The following SMYD3 variants were observed in gnomAD, a reference collection of about 807,000 sequenced individuals.
The protein encoded by SMYD3 is histone-lysine N-methyltransferase SMYD3.
SMYD3 carries 36 observed loss-of-function variants against 57.7 expected under a neutral mutation model. That is an observed-to-expected ratio of 0.62 (90% CI 0.48 to 0.82). The LOEUF (loss-of-function observed/expected upper bound fraction) is 0.82. SMYD3 is among the 40% of genes least tolerant of loss of function. The pLI is 0.00. For missense variants in SMYD3, 515 were observed against 538.8 expected (o/e 0.96, Z 0.44); for synonymous variants, 211 against 195.0 (o/e 1.08, Z -0.68).
chr1:245,942,748 A>G (rs558721751), intron 5 of SMYD3, among the ~76,000 whole-genome samples: 1 of 152,300 alleles, frequency 6.6e-6, no homozygotes, highest in Admixed American at 6.5e-5. Context: ...GTAAAACACT[A>G]ATCAGCAAAT....
intron 8 of SMYD3, among the ~76,000 whole-genome samples, chr1:245,887,411 T>A (rs1462668181): frequency 1.3e-5 from 2 of 152,184 alleles, no homozygotes; most frequent in Non-Finnish European, 2.9e-5. Flanking sequence ...CCCTTGGGGC[T>A]GCTGTGTGTG....
rs199605639 is a variant in SMYD3, at chr1:246,007,815, C to CAA, written c.532-77880_532-77879dup. 1.4e-4 allele frequency among the ~76,000 whole-genome samples: 20 copies of CAA among 138,400 alleles called. No homozygotes were observed. In the East Asian group the frequency reaches 2.0e-3, roughly 14 times the overall value. The allele number at this position is 138,400 out of a possible 152,430, so 90.8% of individuals were successfully genotyped here. The stretch of plus-strand genomic sequence containing the variant: ...CTGGGAAACAGAGCCAGACCCTGAC[C>CAA]AAAAAAAAAAAGGCAGTAGGGCATG... On this transcript the variant is annotated intron_variant, in intron 5 of 11. Transcript: ENST00000490107.
At chr1:246,350,259 T>C (rs1236216684) in intron 2 of SMYD3, among the ~76,000 whole-genome samples, 3 of 152,220 alleles carry the variant, frequency 2.0e-5, no homozygotes, top group African/African-American at 7.2e-5. Context: ...CTCTACTCCA[T>C]AACAGAAGCT....
intron 5 of SMYD3, among the ~76,000 whole-genome samples, chr1:246,043,906 C>T (rs958125028): frequency 1.3e-5 from 2 of 152,102 alleles, no homozygotes; most frequent in Admixed American, 6.5e-5. Context: ...CTCGCACCAA[C>T]AGTTTCGGGG....
chr1:245,790,481 G>C (rs117213896), intron 10 of SMYD3, among the ~76,000 whole-genome samples: 16 of 152,328 alleles, frequency 1.1e-4, no homozygotes, highest in African/African-American at 3.1e-4. Context: ...AAAGCTTTTC[G>C]AGGGCAGCAT....
chr1:246,271,140 C>T (rs1045844050), intron 5 of SMYD3, among the ~76,000 whole-genome samples: 2 of 152,140 alleles, frequency 1.3e-5, no homozygotes, highest in Admixed American at 6.5e-5. Context: ...GTCCTTTGCC[C>T]ATTTTAAAAT....
chr1:246,486,697 T>C (rs2068193616), intron 1 of SMYD3, among the ~76,000 whole-genome samples: 1 of 152,172 alleles, frequency 6.6e-6, no homozygotes, highest in Non-Finnish European at 1.5e-5. Flanking sequence ...TAAGACTTAC[T>C]TCTCCAAGTA....
chr1:245,832,484 TG>T (rs746300249), intron 10 of SMYD3, among the ~76,000 whole-genome samples: 1,083 of 15,792 alleles, frequency 0.069, 6 homozygotes, highest in Non-Finnish European at 0.27. Flanking sequence ...ATGTTTTTTT[TG>T]TTTTTTTTTT....
chr1:245,809,579 G>A (rs183534957), intron 10 of SMYD3, among the ~76,000 whole-genome samples: 105 of 152,378 alleles, frequency 6.9e-4, no homozygotes, highest in African/African-American at 2.4e-3. Context: ...TCAGGTGAGA[G>A]AGAACAAGGA....
At chr1:245,863,449 C>A (rs2051662542) in intron 9 of SMYD3, among the ~76,000 whole-genome samples, 1 of 152,152 alleles carries the variant, frequency 6.6e-6, no homozygotes, top group South Asian at 2.1e-4. Context: ...GGATTCTAAG[C>A]TACTCTTTCC....
At chr1:246,021,830 A>G (rs2059475869) in intron 5 of SMYD3, among the ~76,000 whole-genome samples, 1 of 152,220 alleles carries the variant, frequency 6.6e-6, no homozygotes, top group South Asian at 2.1e-4. Flanking sequence ...TGGAAAAATG[A>G]AACTGTGCAT....
intron 4 of SMYD3, among the ~76,000 whole-genome samples, chr1:246,328,117 C>A (rs2065386892): frequency 6.6e-6 from 1 of 152,178 alleles, no homozygotes; most frequent in African/African-American, 2.4e-5. Context: ...TCACTTGAAC[C>A]CAGGAGGTGG....
At chr1:246,416,343 C>A (rs1273560858) in intron 1 of SMYD3, among the ~76,000 whole-genome samples, 1 of 152,058 alleles carries the variant, frequency 6.6e-6, no homozygotes, top group Non-Finnish European at 1.5e-5. Context: ...GCAGAGGGAC[C>A]ACTACTGTGA....
At chr1:246,216,344 T>A (rs1284484391) in intron 5 of SMYD3, among the ~76,000 whole-genome samples, 1 of 148,080 alleles carries the variant, frequency 6.8e-6, no homozygotes, top group African/African-American at 2.5e-5. Flanking sequence ...ATAAAATACA[T>A]CTCCATATTG....
intron 10 of SMYD3, among the ~76,000 whole-genome samples, chr1:245,848,546 C>T (rs1317296084): frequency 2.0e-5 from 3 of 151,996 alleles, no homozygotes; most frequent in African/African-American, 7.2e-5. Flanking sequence ...ATAGCTGGGA[C>T]TACAGGCACC....
chr1:245,868,053 C>A (rs1437884055), intron 8 of SMYD3, among the ~76,000 whole-genome samples: 2 of 152,220 alleles, frequency 1.3e-5, no homozygotes, highest in South Asian at 4.1e-4. Context: ...TTATATTTAA[C>A]AAATGCTCTG....
chr1:246,360,317 A>T (rs2148712593), intron 1 of SMYD3, among the ~76,000 whole-genome samples: 1 of 152,322 alleles, frequency 6.6e-6, no homozygotes, highest in South Asian at 2.1e-4. Flanking sequence ...ACACAAACAA[A>T]TGGAAACATG....
chr1:246,042,229 C>T (rs1456722308), intron 5 of SMYD3, among the ~76,000 whole-genome samples: 2 of 152,132 alleles, frequency 1.3e-5, no homozygotes, highest in Non-Finnish European at 2.9e-5. Flanking sequence ...ATAACACTCT[C>T]CAGCAGTAAC....
At chr1:246,227,743 G>A (rs2063350242) in intron 5 of SMYD3, among the ~76,000 whole-genome samples, 1 of 152,088 alleles carries the variant, frequency 6.6e-6, no homozygotes, top group African/African-American at 2.4e-5. Context: ...CTTATTAACA[G>A]TTTGAACTTG....
Sources: gnomAD v4.1 joint callset for allele counts (sites outside exome capture counted in the v4.1 genomes callset) on GRCh38, gnomAD v4.1.1 for gene constraint, MANE v1.5 for transcripts, NCBI Gene and HGNC (gene_info 2026-07-23, HGNC 2026-07-21) for gene names.